Variants in SEZ6 observed in about 807,000 individuals in gnomAD.
SEZ6 encodes seizure related 6 homolog.
A neutral mutation model predicts 101.0 loss-of-function variants in SEZ6; 53 were observed. The ratio of observed to expected loss-of-function variants is 0.52; its 90% CI spans 0.42 to 0.66. The LOEUF is 0.66. Ranked by LOEUF, SEZ6 falls within the 30% of genes least tolerant of loss-of-function variation. SEZ6 has a pLI of 0.00. For missense variants in SEZ6, 1,102 were observed against 1,289.4 expected, an observed-to-expected ratio of 0.85 and a Z score of 2.23; for synonymous variants, 488 against 512.2, an observed-to-expected ratio of 0.95 and a Z score of 0.64.
chr17:28,969,844 T>G lies in SEZ6; in HGVS notation c.967A>C (p.Ile323Leu). ...NQSFLLRGQV[I>L]RSPTHQAALR... ...GCCGCTTGGTGGGTGGGGCTGCGGA[T>G]GACTTGGCCCCGCAGCAGGAAAGAC... The change falls in exon 4 of 17, where the codon ATC (isoleucine) becomes CTC (leucine). Residue 323 changes from isoleucine to leucine, a missense_variant. Coordinates refer to ENST00000317338, the MANE Select transcript of SEZ6 (RefSeq NM_178860.5). 1 of 1,532,318 alleles carries G rather than the reference T, an allele frequency of 6.5e-7. No homozygotes were observed. The highest frequency in any genetic ancestry group is 8.7e-7 in the Non-Finnish European group (1 of 1,150,186). The allele number at this position is 1,532,318 out of a possible 1,614,324, so 94.9% of individuals were successfully genotyped here.
Position 28,959,006 on chromosome 17 carries a change from G to C in SEZ6, c.2107+19C>G, listed in dbSNP as rs375097755. The C allele has an allele frequency of 8.1e-6, 13 of 1,597,824 alleles. No homozygotes were observed. Among genetic ancestry groups the C allele is most frequent in the Non-Finnish European group, 1.1e-5 (13 of 1,170,184 alleles). ...ATGGCTTGCTGTCTGCACTCTGAGT[G>C]GGGTAGGGACAAGCTCACCAAAGAA... On this transcript the variant is annotated intron_variant, in intron 10 of 16. Transcript: ENST00000317338. The surrounding 1 kb of genome is among the most constrained non-coding windows in gnomAD (Gnocchi z 4.4).
Position 28,961,218 on chromosome 17 carries a change from A to G in SEZ6, c.1241-245T>C, listed in dbSNP as rs569347346. Among the ~76,000 whole-genome samples, 10 of 152,040 alleles carry G rather than the reference A, an allele frequency of 6.6e-5. No homozygotes were observed. In the South Asian group the frequency reaches 2.1e-3, roughly 32 times the overall value. ...CACACCCCTGGGACTGACCAGGGTA[A>G]CTCTCTTGACTGTGGGTAGATGTAT... On this transcript the variant is annotated intron_variant, in intron 5 of 16. Coordinates refer to ENST00000317338, the MANE Select transcript of SEZ6 (RefSeq NM_178860.5).
chr17:29,000,183 T>A (rs1050238870), intron 1 of SEZ6, among the ~76,000 whole-genome samples: 1 of 152,246 alleles, frequency 6.6e-6, no homozygotes, highest in African/African-American at 2.4e-5. Flanking sequence ...ATTATTTGGA[T>A]AGTGATACTC....
chr17:28,998,389 A>C (rs1310606995), intron 1 of SEZ6, among the ~76,000 whole-genome samples: 2 of 151,602 alleles, frequency 1.3e-5, no homozygotes, highest in Non-Finnish European at 2.9e-5. Context: ...TTGATGCCAC[A>C]GTATCAAGGT....
Position 28,992,388 on chromosome 17 carries a change from G to T in SEZ6, c.56-10349C>A, listed in dbSNP as rs143289299. Among the ~76,000 whole-genome samples, 66 of 152,218 alleles carry T rather than the reference G, an allele frequency of 4.3e-4. No homozygotes were observed. In the East Asian group the frequency reaches 0.012, roughly 29 times the overall value. Reference sequence around the variant, plus strand: ...CGTGTGTGTGTGGGCGTACGTGTGTGCATGAGACCGGGTGTGTGTGTGTGT... The same window carrying T: ...CGTGTGTGTGTGGGCGTACGTGTGTTCATGAGACCGGGTGTGTGTGTGTGT... On this transcript the variant is annotated intron_variant, in intron 1 of 16. Transcript: ENST00000317338.
chr17:28,973,486 G>A (rs1362843007), intron 3 of SEZ6, among the ~76,000 whole-genome samples: 1 of 152,158 alleles, frequency 6.6e-6, no homozygotes, highest in East Asian at 1.9e-4. Context: ...TCTGGTCCAG[G>A]GGAGGCATGG....
Position 29,006,011 on chromosome 17 carries a change from G to C in SEZ6, c.-142C>G. ...GCCGTCACCGCCGCTGCCGCCGCCA[G>C]CGCCTGACAGAATCAGCACCACGGC... On this transcript the variant is annotated 5_prime_UTR_variant, in exon 1 of 17. Coordinates refer to ENST00000317338, the MANE Select transcript of SEZ6 (RefSeq NM_178860.5). The C allele has an allele frequency of 1.6e-6, 1 of 636,706 alleles. No homozygotes were observed. Among genetic ancestry groups the C allele is most frequent in the Non-Finnish European group, 2.2e-6 (1 of 455,080 alleles). 39.4% of individuals were successfully genotyped at this position (636,706 alleles called of 1,614,324 possible).
In SEZ6 at chr17:28,959,065, T is replaced by G. The variant is rs1007451125; in HGVS notation, c.2067A>C (p.Ser689=). The G allele has an allele frequency of 1.8e-5, 29 of 1,613,786 alleles. No individual in the cohort carries two copies. Among genetic ancestry groups the G allele is most frequent in the Non-Finnish European group, 2.4e-5 (28 of 1,179,842 alleles). The change falls in exon 10 of 17, where the codon TCA becomes TCC. Residue 689 remains serine (S), a synonymous_variant. Coordinates refer to ENST00000317338, the MANE Select transcript of SEZ6 (RefSeq NM_178860.5). The surrounding 1 kb of genome is among the most constrained non-coding windows in gnomAD (Gnocchi z 4.4). ...CGAAGCCCTGCTGGTAGCCCAGCAC[T>G]GAGGTCCCGGGGTCCGACTGGAACT... ...TIQFQSDPGT[S]VLGYQQGFVI...
Position 28,956,193 on chromosome 17 carries a change from TC to T in SEZ6, c.2917del (p.Glu973SerfsTer27). ...GTAAGTTGGATTGTCAAACGCTGACTCTATGGTAATGCGGTTGTAGGGGCGG... is the reference window on the plus strand; with the variant it reads ...GTAAGTTGGATTGTCAAACGCTGACTTATGGTAATGCGGTTGTAGGGGCGG... ...RPRPYNRITIESAFDNPTYET... is the reference protein window; with the variant it reads ...RPRPYNRITIXSAFDNPTYET... On this transcript the variant is annotated frameshift_variant, in exon 16 of 17. Transcript: ENST00000317338. LOFTEE classifies it high-confidence loss of function. The T allele has an allele frequency of 1.2e-6, 1 of 853,738 alleles. No individual in the cohort carries two copies. Among genetic ancestry groups the T allele is most frequent in the Non-Finnish European group, 1.7e-6 (1 of 573,344 alleles). 52.9% of individuals were successfully genotyped at this position (853,738 alleles called of 1,614,324 possible).
chr17:28,956,211 TAGGGGC>T lies in SEZ6; in HGVS notation c.2894_2899del (p.Arg965_Tyr967delinsHis). 2.2e-5 allele frequency: 4 copies of T among 184,428 alleles called. No homozygotes were observed. Among genetic ancestry groups the T allele is most frequent in the African/African-American group, 1.1e-4 (1 of 9,068 alleles). The allele number at this position is 184,428 out of a possible 1,614,324, so 11.4% of individuals were successfully genotyped here. A position where few individuals can be genotyped will look rare whatever the true frequency, so the allele number is the denominator to read the frequency against. ...CGCTGACTCTATGGTAATGCGGTTGTAGGGGCGGGGGCGGGGGCGGGGCAGCTGCAG... is the reference window on the plus strand; with the variant it reads ...CGCTGACTCTATGGTAATGCGGTTGTGGGGGCGGGGGCGGGGCAGCTGCAG... On this transcript the variant is annotated inframe_deletion, in exon 16 of 17. Transcript: ENST00000317338.
chr17:28,973,145 C>T (rs534388558), intron 3 of SEZ6, among the ~76,000 whole-genome samples: 1 of 152,126 alleles, frequency 6.6e-6, no homozygotes, highest in South Asian at 2.1e-4. Context: ...TCATCCTCAC[C>T]GTGAATCTAT....
At chr17:28,956,666 T>G (rs1362663730) in intron 14 of SEZ6, 53 bp downstream of exon 14, 36 of 1,551,364 alleles carry the variant, frequency 2.3e-5, no homozygotes, top group Non-Finnish European at 3.0e-5. Flanking sequence ...CTGGGAGCCG[T>G]GAGAACCAGG....
chr17:28,979,715 T>C lies in SEZ6; in HGVS notation c.823A>G (p.Ile275Val). Reference protein sequence around the residue: ...TDVGLDCFFYISVYPGYGVEI... With the variant: ...TDVGLDCFFYVSVYPGYGVEI... ...ACGCCATAGCCAGGGTAGACAGAGA[T>C]GTAGAAGAAGCAGTCCAGGCCAACA... Residue 275 changes from isoleucine to valine, a missense_variant, in exon 3 of 17, where the codon ATC becomes GTC. Around this residue, in one of 3 missense-constraint regions of SEZ6, gnomAD observed 406 missense variants for 418.6 expected, o/e 0.97. Transcript: ENST00000317338. 4 of 1,613,904 alleles carry C rather than the reference T, an allele frequency of 2.5e-6. No homozygotes were observed. Among genetic ancestry groups the C allele is most frequent in the Non-Finnish European group, 2.5e-6 (3 of 1,179,856 alleles).
At chr17:28,984,751 C>A (rs2041354344) in intron 1 of SEZ6, among the ~76,000 whole-genome samples, 1 of 152,118 alleles carries the variant, frequency 6.6e-6, no homozygotes, top group Non-Finnish European at 1.5e-5. Flanking sequence ...ATCTCCAGAC[C>A]CCCTGGTTGA....
Position 28,958,038 on chromosome 17 carries a change from C to T in SEZ6, c.2211G>A (p.Gln737=). Residue 737 remains glutamine, a synonymous_variant, in exon 11 of 17, where the codon CAG becomes CAA. Coordinates refer to ENST00000317338, the MANE Select transcript of SEZ6 (RefSeq NM_178860.5). The part of the protein sequence containing the change: ...ELVHGTVVTY[Q]CYPGYQVVGS... ...CCACTACCTGGTAGCCAGGGTAGCACTGGTAAGTGACCACGGTGCCGTGCA... is the reference window on the plus strand; with the variant it reads ...CCACTACCTGGTAGCCAGGGTAGCATTGGTAAGTGACCACGGTGCCGTGCA... 6.2e-7 allele frequency: 1 copy of T among 1,613,926 alleles called. No individual in the cohort carries two copies. The highest frequency in any genetic ancestry group is 8.5e-7 in the Non-Finnish European group (1 of 1,179,826).
intron 1 of SEZ6, among the ~76,000 whole-genome samples, chr17:28,990,050 C>T (rs888416024): frequency 6.6e-6 from 1 of 151,880 alleles, no homozygotes; most frequent in Non-Finnish European, 1.5e-5. Context: ...CCATCCTGGG[C>T]GACAAGAGTT....
chr17:28,969,955 G>A lies in SEZ6; in HGVS notation c.859-3C>T. 1 of 1,527,550 alleles carries A rather than the reference G, an allele frequency of 6.5e-7. No homozygotes were observed. Among genetic ancestry groups the A allele is most frequent in the Non-Finnish European group, 8.7e-7 (1 of 1,149,312 alleles). 94.6% of individuals were successfully genotyped at this position (1,527,550 alleles called of 1,614,324 possible). ...TCCCGGAGGCTGATATTCTGGACCTGTCAGTAGAGTAGAGAGAGAAAAGCA... is the reference window on the plus strand; with the variant it reads ...TCCCGGAGGCTGATATTCTGGACCTATCAGTAGAGTAGAGAGAGAAAAGCA... On this transcript the variant is annotated splice_region_variant and splice_polypyrimidine_tract_variant and intron_variant, in intron 3 of 16. Transcript: ENST00000317338.
Position 28,981,400 on chromosome 17 carries a change from G to A in SEZ6, c.695C>T (p.Thr232Ile). 2 of 1,552,816 alleles carry A rather than the reference G, an allele frequency of 1.3e-6. No homozygotes were observed. The highest frequency in any genetic ancestry group is 2.4e-5 in the East Asian group (1 of 41,104). Residue 232 changes from threonine to isoleucine, a missense_variant, in exon 2 of 17, where the codon ACC becomes ATC. Thr to Ile is a moderately conservative substitution (Grantham distance 89). Coordinates refer to ENST00000317338, the MANE Select transcript of SEZ6 (RefSeq NM_178860.5). ...EETTTTTTII[T>I]TTITTVQTPG... is the part of the protein sequence containing the mutation. Reference sequence around the variant, plus strand: ...TGTCTGGACTGTGGTGATGGTGGTGGTGATGATGGTGGTGGTAGTGGTGGT... The same window carrying A: ...TGTCTGGACTGTGGTGATGGTGGTGATGATGATGGTGGTGGTAGTGGTGGT...
In SEZ6 at chr17:28,989,477, C is replaced by T. The variant is rs141134292; in HGVS notation, c.56-7438G>A. 2.6e-5 allele frequency among the ~76,000 whole-genome samples: 4 copies of T among 152,216 alleles called. No homozygotes were observed. The East Asian group carries it at 7.7e-4, about 29-fold the overall frequency. ...ACCTGGGTTGTCTAGCCTAGAGCAG[C>T]CCTGTCCAATAGACCTTTGTGATGA... On this transcript the variant is annotated intron_variant, in intron 1 of 16. Coordinates refer to ENST00000317338, the MANE Select transcript of SEZ6 (RefSeq NM_178860.5).
Sources: gnomAD v4.1 joint callset for allele counts (sites outside exome capture counted in the v4.1 genomes callset) on GRCh38, gnomAD v4.1.1 for gene constraint, gnomAD v4.1.1 regional missense constraint, Gnocchi (gnomAD v3.1) non-coding constraint, MANE v1.5 for transcripts, NCBI Gene and HGNC (gene_info 2026-07-23, HGNC 2026-07-21) for gene names.